The following PIGU variants were observed in gnomAD, a reference collection of about 807,000 sequenced individuals.
PIGU encodes the protein GPI-anchor transamidase component PIGU.
A neutral mutation model predicts 49.9 loss-of-function variants in PIGU; 24 were observed. The ratio of observed to expected loss-of-function variants is 0.48; its 90% confidence interval spans 0.35 to 0.68. The LOEUF is 0.68. PIGU is among the 30% of genes least tolerant of loss of function. The pLI is 0.01. For synonymous variants in PIGU, 220 were observed against 205.7 expected (o/e 1.07, Z -0.59); for missense variants, 490 against 532.6 (o/e 0.92, Z 0.79).
chr20:34,632,205 T>C (rs1305201055), intron 6 of PIGU, among the ~76,000 whole-genome samples: 3 of 151,958 alleles, frequency 2.0e-5, no homozygotes, highest in Non-Finnish European at 2.9e-5. Context: ...AACTGCTCAA[T>C]AGCTACCAAG....
At chr20:34,587,891 G>C (rs920424908) in intron 8 of PIGU, among the ~76,000 whole-genome samples, 1 of 152,000 alleles carries the variant, frequency 6.6e-6, no homozygotes, top group African/African-American at 2.4e-5. Context: ...TTATCCATTT[G>C]TTTGTTGATG....
At chr20:34,653,920 C>T (rs950832071) in intron 2 of PIGU, among the ~76,000 whole-genome samples, 1 of 151,632 alleles carries the variant, frequency 6.6e-6, no homozygotes, top group African/African-American at 2.4e-5. Flanking sequence ...TGCAGTGGCA[C>T]CATCTCGGCT....
intron 6 of PIGU, among the ~76,000 whole-genome samples, chr20:34,631,721 C>CTATATATATA (rs1985719062): frequency 2.2e-5 from 1 of 46,148 alleles, no homozygotes; most frequent in Non-Finnish European, 4.5e-5. Flanking sequence ...GTCCGGCTAA[C>CTATATATATA]CATATATATA....
At chr20:34,662,091 A>G (rs1421324519) in intron 1 of PIGU, among the ~76,000 whole-genome samples, 1 of 151,878 alleles carries the variant, frequency 6.6e-6, no homozygotes, top group Non-Finnish European at 1.5e-5. Flanking sequence ...CTGTTTTTCC[A>G]AGACAGGTTC....
chr20:34,612,098 T>C (rs1198988960), intron 7 of PIGU, among the ~76,000 whole-genome samples: 1 of 152,104 alleles, frequency 6.6e-6, no homozygotes, highest in Non-Finnish European at 1.5e-5. Flanking sequence ...AGCAAAGACT[T>C]AGAACCAACC....
chr20:34,613,674 C>G (rs1984903682), intron 7 of PIGU, among the ~76,000 whole-genome samples: 1 of 152,004 alleles, frequency 6.6e-6, no homozygotes. Flanking sequence ...AAAGAATAAG[C>G]CATAAATAGG....
At chr20:34,666,283 C>G (rs933979333) in intron 1 of PIGU, among the ~76,000 whole-genome samples, 1 of 152,032 alleles carries the variant, frequency 6.6e-6, no homozygotes, top group African/African-American at 2.4e-5. Flanking sequence ...AATAAAGATA[C>G]CCATAGAACT....
chr20:34,648,937 A>G (rs542368782), intron 2 of PIGU, among the ~76,000 whole-genome samples: 1 of 152,076 alleles, frequency 6.6e-6, no homozygotes, highest in East Asian at 1.9e-4. Flanking sequence ...GCGCGATCTC[A>G]GCTCACTGCA....
chr20:34,613,995 C>A (rs1409294573), intron 7 of PIGU, among the ~76,000 whole-genome samples: 2 of 152,142 alleles, frequency 1.3e-5, no homozygotes, highest in Non-Finnish European at 2.9e-5. Flanking sequence ...AAGCAACATA[C>A]TTGAAGAAAA....
At chr20:34,591,032 A>AG (rs143232459) in intron 7 of PIGU, among the ~76,000 whole-genome samples, 6 of 15,980 alleles carry the variant, frequency 3.8e-4, no homozygotes, top group African/African-American at 1.3e-3. Flanking sequence ...AAAAAAAGAG[A>AG]AAAAAAAATA....
At chr20:34,573,608 C>G (rs1983102905) in intron 11 of PIGU, among the ~76,000 whole-genome samples, 1 of 152,242 alleles carries the variant, frequency 6.6e-6, no homozygotes, top group Non-Finnish European at 1.5e-5. Context: ...AGGCCCAGGG[C>G]AGGCCCAATG....
intron 7 of PIGU, among the ~76,000 whole-genome samples, chr20:34,609,123 A>C (rs1984721218): frequency 6.6e-6 from 1 of 151,848 alleles, no homozygotes; most frequent in South Asian, 2.1e-4. Flanking sequence ...CTAAAAAAAA[A>C]CCAACCAACC....
At chr20:34,629,255 C>G (rs1282048833) in intron 6 of PIGU, among the ~76,000 whole-genome samples, 1 of 152,104 alleles carries the variant, frequency 6.6e-6, no homozygotes, top group East Asian at 1.9e-4. Context: ...ACCTCATGAC[C>G]TCATGATCCA....
At chr20:34,676,259 A>T (rs1987494151) in intron 1 of PIGU, among the ~76,000 whole-genome samples, 1 of 152,146 alleles carries the variant, frequency 6.6e-6, no homozygotes, top group Admixed American at 6.6e-5. Context: ...AAGGTAGGGG[A>T]TAGTTTATTC....
intron 1 of PIGU, among the ~76,000 whole-genome samples, chr20:34,671,599 T>C (rs1430517652): frequency 6.6e-6 from 1 of 152,002 alleles, no homozygotes; most frequent in African/African-American, 2.4e-5. Flanking sequence ...GCTCCTGCTT[T>C]TGTCAAACAG....
chr20:34,565,739 G>GCA (rs1024322894), intron 11 of PIGU, among the ~76,000 whole-genome samples: 3 of 147,788 alleles, frequency 2.0e-5, no homozygotes, highest in Non-Finnish European at 4.5e-5. Context: ...ACACACAGGT[G>GCA]CACACACACG....
At chr20:34,643,252 A>G (rs947889266) in intron 4 of PIGU, among the ~76,000 whole-genome samples, 14 of 152,178 alleles carry the variant, frequency 9.2e-5, no homozygotes, top group African/African-American at 3.4e-4. Context: ...ACACACACAT[A>G]TAATTCTCCA....
intron 9 of PIGU, among the ~76,000 whole-genome samples, chr20:34,582,482 C>T (rs534544851): frequency 4.6e-5 from 7 of 152,152 alleles, no homozygotes; most frequent in African/African-American, 1.2e-4. Flanking sequence ...GAGTTTGAGA[C>T]CAGCCTAGGC....
intron 1 of PIGU, among the ~76,000 whole-genome samples, chr20:34,670,950 T>C (rs1987288440): frequency 2.0e-5 from 3 of 152,254 alleles, no homozygotes; most frequent in Non-Finnish European, 2.9e-5. Context: ...TGTCAATCTT[T>C]GGGTGAAAGC....
Sources: gnomAD v4.1 joint callset for allele counts (sites outside exome capture counted in the v4.1 genomes callset) on GRCh38, gnomAD v4.1.1 for gene constraint, MANE v1.5 for transcripts, NCBI Gene and HGNC (gene_info 2026-07-23, HGNC 2026-07-21) for gene names.